Variants in GRM7 observed in about 807,000 individuals in gnomAD.
GRM7 encodes the protein metabotropic glutamate receptor 7.
In GRM7, 35 loss-of-function variants were observed where a neutral mutation model predicts 84.5. The observed-to-expected ratio is 0.41, with a 90% CI of 0.32 to 0.55. The LOEUF (loss-of-function observed/expected upper bound fraction) is 0.55. GRM7 is among the 20% of genes least tolerant of loss of function. GRM7 has a pLI of 0.19. For synonymous variants in GRM7, 487 were observed against 455.1 expected, an observed-to-expected ratio of 1.07 and a Z score of -0.89; for missense variants, 1,003 against 1,194.6, an observed-to-expected ratio of 0.84 and a Z score of 2.36.
In GRM7 at chr3:7,073,963, G is replaced by T. The variant is rs941052629; in HGVS notation, c.520-72489G>T. Among the ~76,000 whole-genome samples the T allele has an allele frequency of 7.3e-5, 10 of 136,994 alleles. No individual in the cohort carries two copies. The East Asian group carries it at 1.9e-3, about 27-fold the overall frequency. 89.9% of individuals were successfully genotyped at this position (136,994 alleles called of 152,430 possible). A position where few individuals can be genotyped will look rare whatever the true frequency, so the allele number is the denominator to read the frequency against. ...GATATAAATGAGGATATTAATTGGG[G>T]GGAGGGTGAAACAAAAACATCACTG... is the stretch of plus-strand genomic sequence containing the variant. On this transcript the variant is annotated intron_variant, in intron 1 of 9. Transcript: ENST00000357716.
intron 2 of GRM7, among the ~76,000 whole-genome samples, chr3:7,241,489 A>G (rs1421869289): frequency 1.3e-5 from 2 of 152,292 alleles, no homozygotes; most frequent in East Asian, 3.9e-4. Context: ...AATTAAGACC[A>G]TCTCATCAAT....
In GRM7 at chr3:7,141,852, T is replaced by C. The variant is rs556760412; in HGVS notation, c.520-4600T>C. ...AGAATTATTAATTAATAAATGGTGC[T>C]AAATCAAGTAGTTAACCATTTGGAA... On this transcript the variant is annotated intron_variant, in intron 1 of 9. Transcript: ENST00000357716. Among the ~76,000 whole-genome samples, 10 of 152,264 alleles carry C rather than the reference T, an allele frequency of 6.6e-5. No individual in the cohort carries two copies. In the South Asian group the frequency reaches 2.1e-3, roughly 32 times the overall value.
intron 2 of GRM7, among the ~76,000 whole-genome samples, chr3:7,239,442 A>C (rs1315702207): frequency 6.6e-6 from 1 of 152,136 alleles, no homozygotes; most frequent in Non-Finnish European, 1.5e-5. Context: ...AATATGGCTA[A>C]TCCTACCTAC....
intron 1 of GRM7, among the ~76,000 whole-genome samples, chr3:6,868,130 T>C (rs564739437): frequency 6.6e-6 from 1 of 152,308 alleles, no homozygotes; most frequent in East Asian, 1.9e-4. Flanking sequence ...ATTCTCACAG[T>C]AGTCCTGCAA....
chr3:7,473,250 T>C (rs900070798), intron 7 of GRM7, among the ~76,000 whole-genome samples: 1 of 152,086 alleles, frequency 6.6e-6, no homozygotes, highest in Non-Finnish European at 1.5e-5. Flanking sequence ...GGAGGATCAC[T>C]TGGGGCCAGG....
At chr3:7,700,923 A>C (rs1051424033) in intron 9 of GRM7, among the ~76,000 whole-genome samples, 1 of 152,224 alleles carries the variant, frequency 6.6e-6, no homozygotes, top group African/African-American at 2.4e-5. Context: ...CCTTCCCTTC[A>C]TAAGTGAAAA....
At chr3:7,556,436 A>G (rs1260649849) in intron 7 of GRM7, among the ~76,000 whole-genome samples, 3 of 152,198 alleles carry the variant, frequency 2.0e-5, no homozygotes, top group Non-Finnish European at 4.4e-5. Context: ...TCATTGTGAG[A>G]CTGCATTTTT....
chr3:7,301,593 G>A (rs1338594140), intron 3 of GRM7, among the ~76,000 whole-genome samples: 1 of 152,086 alleles, frequency 6.6e-6, no homozygotes, highest in Non-Finnish European at 1.5e-5. Flanking sequence ...CAAGTAATGT[G>A]AGTTTTTCAT....
chr3:7,034,819 A>G (rs1268420816), intron 1 of GRM7, among the ~76,000 whole-genome samples: 5 of 152,188 alleles, frequency 3.3e-5, no homozygotes, highest in Non-Finnish European at 7.3e-5. Flanking sequence ...TTGTCCTTCC[A>G]GACTCCACTA....
chr3:7,494,582 A>C (rs546374448), intron 7 of GRM7, among the ~76,000 whole-genome samples: 16 of 152,074 alleles, frequency 1.1e-4, no homozygotes, highest in Non-Finnish European at 1.9e-4. Context: ...TGGGATTCTG[A>C]TAATACAAAT....
chr3:7,371,295 G>A (rs550815039), intron 4 of GRM7, among the ~76,000 whole-genome samples: 19 of 152,268 alleles, frequency 1.2e-4, no homozygotes, highest in Non-Finnish European at 2.2e-4. Flanking sequence ...ACTGTAGCAG[G>A]CAGTTTGCAG....
At position 7,279,907 on chromosome 3, in the gene GRM7, C is replaced by T. The variant is rs185902815; in HGVS notation, c.737-18777C>T. Among the ~76,000 whole-genome samples the T allele has an allele frequency of 4.6e-4, 70 of 152,254 alleles. 1 individual carries two copies. The East Asian group carries it at 0.013, about 29-fold the overall frequency. On this transcript the variant is annotated intron_variant, in intron 2 of 9. Transcript: ENST00000357716. ...AGATTTTTTCTGCTATGGTCATATT[C>T]AGCTATCTCCTGGTTTTGAAAACAG...
intron 2 of GRM7, among the ~76,000 whole-genome samples, chr3:7,263,148 G>A (rs1164984155): frequency 6.6e-6 from 1 of 152,128 alleles, no homozygotes; most frequent in Non-Finnish European, 1.5e-5. Flanking sequence ...GGTATAAGGT[G>A]GATTCGGTCA....
intron 7 of GRM7, among the ~76,000 whole-genome samples, chr3:7,563,735 A>C (rs1253992792): frequency 6.6e-6 from 1 of 152,222 alleles, no homozygotes; most frequent in Non-Finnish European, 1.5e-5. Flanking sequence ...ATGAACAATC[A>C]AATGAAAAGT....
intron 7 of GRM7, among the ~76,000 whole-genome samples, chr3:7,554,524 A>G (rs968119180): frequency 2.0e-5 from 3 of 152,228 alleles, no homozygotes; most frequent in African/African-American, 7.2e-5. Context: ...AGTGCTATGG[A>G]GGAAACCAAC....
chr3:7,019,782 C>T (rs980961220), intron 1 of GRM7, among the ~76,000 whole-genome samples: 7 of 152,150 alleles, frequency 4.6e-5, no homozygotes, highest in Non-Finnish European at 1.0e-4. Flanking sequence ...TAAAATCTCC[C>T]TTTCAACATA....
intron 1 of GRM7, among the ~76,000 whole-genome samples, chr3:7,111,802 T>C (rs554325080): frequency 1.1e-3 from 168 of 152,268 alleles, no homozygotes; most frequent in Non-Finnish European, 2.1e-3. Context: ...CATTTCTATG[T>C]AAACTTAAGA....
At chr3:7,588,535 C>G (rs186878572) in intron 8 of GRM7, among the ~76,000 whole-genome samples, 1 of 152,150 alleles carries the variant, frequency 6.6e-6, no homozygotes, top group Non-Finnish European at 1.5e-5. Context: ...AATATCCCAA[C>G]TCAACAAAAG....
At chr3:7,267,961 A>G (rs540915676) in intron 2 of GRM7, among the ~76,000 whole-genome samples, 14 of 152,182 alleles carry the variant, frequency 9.2e-5, no homozygotes, top group African/African-American at 2.9e-4. Context: ...CAGAAGGCCC[A>G]GTTAGTGCCG....
Sources: gnomAD v4.1 joint callset for allele counts (sites outside exome capture counted in the v4.1 genomes callset) on GRCh38, gnomAD v4.1.1 for gene constraint, MANE v1.5 for transcripts, NCBI Gene and HGNC (gene_info 2026-07-23, HGNC 2026-07-21) for gene names.